Variants in KCNMA1 observed in about 807,000 individuals in gnomAD.
KCNMA1 encodes the protein Calcium-activated potassium channel subunit alpha-1.
Under a neutral mutation model 140.0 loss-of-function variants are expected in KCNMA1, and 29 were observed. The observed-to-expected ratio is 0.21, with a 90% CI of 0.15 to 0.28. The LOEUF (loss-of-function observed/expected upper bound fraction) is 0.28. KCNMA1 is among the 10% of genes least tolerant of loss of function. The pLI is 1.00. For synonymous variants in KCNMA1, 612 were observed against 611.9 expected (o/e 1.00, Z 0.00); for missense variants, 880 against 1,602.2 (o/e 0.55, Z 7.70).
chr10:77,169,312 G>T (rs950788130), intron 5 of KCNMA1, among the ~76,000 whole-genome samples: 1 of 152,008 alleles, frequency 6.6e-6, no homozygotes, highest in African/African-American at 2.4e-5. Flanking sequence ...CAGGGCTGGA[G>T]AAGAAGGCTA....
intron 5 of KCNMA1, among the ~76,000 whole-genome samples, chr10:77,156,703 T>C (rs1835533919): frequency 6.6e-6 from 1 of 152,212 alleles, no homozygotes; most frequent in Non-Finnish European, 1.5e-5. Flanking sequence ...CCTCAATTAC[T>C]CTTGTAAATA....
In KCNMA1 at chr10:77,409,049, C is replaced by T. The variant is rs561262644; in HGVS notation, c.379-5026G>A. 1.2e-4 allele frequency among the ~76,000 whole-genome samples: 19 copies of T among 152,290 alleles called. 1 individual carries two copies. Among genetic ancestry groups the T allele is most frequent in the African/African-American group, 4.6e-4 (19 of 41,578 alleles). Reference sequence around the variant, plus strand: ...CCCTACCAGGCAACCTCTCACGGGGCTGTGCCCAGCCTTACACCCTCACCC... The same window carrying T: ...CCCTACCAGGCAACCTCTCACGGGGTTGTGCCCAGCCTTACACCCTCACCC... On this transcript the variant is annotated intron_variant, in intron 1 of 27. Transcript: ENST00000286628.
chr10:76,969,862 C>A (rs906188647), intron 20 of KCNMA1, 112 bp downstream of exon 20: 2 of 812,102 alleles, frequency 2.5e-6, no homozygotes, highest in Non-Finnish European at 4.3e-6. Context: ...CCCTCCCCCA[C>A]CCCGGGCTTG....
intron 1 of KCNMA1, among the ~76,000 whole-genome samples, chr10:77,610,699 C>T (rs942527176): frequency 1.3e-5 from 2 of 152,210 alleles, no homozygotes; most frequent in African/African-American, 4.8e-5. Context: ...AGAGAGCCCA[C>T]ACAGAGTAGA....
intron 1 of KCNMA1, among the ~76,000 whole-genome samples, chr10:77,486,265 C>G (rs1167363342): frequency 6.6e-6 from 1 of 152,154 alleles, no homozygotes; most frequent in Admixed American, 6.5e-5. Context: ...TCCTCCCTCC[C>G]CTTCCCCACC....
At position 77,219,811 on chromosome 10, in the gene KCNMA1, A is replaced by G. The variant is rs530702696; in HGVS notation, c.602+31384T>C. On this transcript the variant is annotated intron_variant, in intron 3 of 27. Transcript: ENST00000286628. ...ATTTAGCAACCTCAAGTCTTAATCCATATAGGAACTGTAAGAAGACTACTG... is the reference window on the plus strand; with the variant it reads ...ATTTAGCAACCTCAAGTCTTAATCCGTATAGGAACTGTAAGAAGACTACTG... Among the ~76,000 whole-genome samples, 403 of 152,298 alleles carry G rather than the reference A, an allele frequency of 2.6e-3. 2 individuals are homozygous for G. Among genetic ancestry groups the G allele is most frequent in the Non-Finnish European group, 2.8e-3 (191 of 68,030 alleles).
At chr10:76,893,875 G>T (rs1324292019) in intron 25 of KCNMA1, among the ~76,000 whole-genome samples, 3 of 152,142 alleles carry the variant, frequency 2.0e-5, no homozygotes, top group African/African-American at 7.2e-5. Context: ...CATGTTCCTG[G>T]ATTAGAAGAC....
chr10:77,033,722 C>G (rs2094116856), intron 15 of KCNMA1, among the ~76,000 whole-genome samples: 1 of 152,178 alleles, frequency 6.6e-6, no homozygotes, highest in African/African-American at 2.4e-5. Context: ...GTAGAGAATT[C>G]TGGACCCACC....
chr10:77,378,521 C>T (rs2095263657), intron 2 of KCNMA1, among the ~76,000 whole-genome samples: 1 of 152,162 alleles, frequency 6.6e-6, no homozygotes, highest in Non-Finnish European at 1.5e-5. Flanking sequence ...CATATGCATT[C>T]AAGAGAAAAG....
At chr10:77,035,614 A>G (rs1170627322) in intron 15 of KCNMA1, among the ~76,000 whole-genome samples, 1 of 152,260 alleles carries the variant, frequency 6.6e-6, no homozygotes, top group Non-Finnish European at 1.5e-5. Context: ...AGCTTGGCAC[A>G]ATGGTGCACA....
chr10:77,082,161 T>C (rs1051434943), intron 12 of KCNMA1, among the ~76,000 whole-genome samples: 1 of 151,716 alleles, frequency 6.6e-6, no homozygotes, highest in Admixed American at 6.6e-5. Context: ...CCTGAGTAAC[T>C]GGGATTACAG....
intron 23 of KCNMA1, among the ~76,000 whole-genome samples, chr10:76,923,035 T>A (rs767586344): frequency 6.6e-6 from 1 of 152,216 alleles, no homozygotes; most frequent in Non-Finnish European, 1.5e-5. Flanking sequence ...TACATTTTTT[T>A]AGAGACTGTC....
At chr10:77,370,583 G>A (rs2094627676) in intron 2 of KCNMA1, among the ~76,000 whole-genome samples, 1 of 152,124 alleles carries the variant, frequency 6.6e-6, no homozygotes, top group Non-Finnish European at 1.5e-5. Flanking sequence ...CAAATGAAAT[G>A]CATTTCAACA....
chr10:77,624,753 C>A (rs2092208517), intron 1 of KCNMA1, among the ~76,000 whole-genome samples: 1 of 152,052 alleles, frequency 6.6e-6, no homozygotes, highest in Non-Finnish European at 1.5e-5. Context: ...TGTCATATGT[C>A]AAAATCAAAA....
At chr10:76,900,896 T>A (rs1457914582) in intron 25 of KCNMA1, among the ~76,000 whole-genome samples, 2 of 146,232 alleles carry the variant, frequency 1.4e-5, no homozygotes, top group African/African-American at 2.5e-5. Context: ...CCCTATTTGT[T>A]AAAAAAAAAA....
Position 77,518,874 on chromosome 10 carries a change from G to A in KCNMA1, c.379-114851C>T, listed in dbSNP as rs144166862. Among the ~76,000 whole-genome samples the A allele has an allele frequency of 1.1e-4, 16 of 152,264 alleles. No homozygotes were observed. In the East Asian group the frequency reaches 1.4e-3, roughly 13 times the overall value. ...GAAAACCCAAAGATAGTGGGAAGCCGCCTGCACTGTATGAATGCACGCTTG... is the reference window on the plus strand; with the variant it reads ...GAAAACCCAAAGATAGTGGGAAGCCACCTGCACTGTATGAATGCACGCTTG... On this transcript the variant is annotated intron_variant, in intron 1 of 27. Coordinates refer to ENST00000286628, the MANE Select transcript of KCNMA1 (RefSeq NM_001161352.2).
At chr10:77,214,596 G>A (rs949260981) in intron 3 of KCNMA1, among the ~76,000 whole-genome samples, 3 of 152,120 alleles carry the variant, frequency 2.0e-5, no homozygotes, top group Non-Finnish European at 2.9e-5. Context: ...ACTACTGCAG[G>A]CTCCATCCTT....
intron 1 of KCNMA1, among the ~76,000 whole-genome samples, chr10:77,492,619 CTA>C (rs1463186978): frequency 6.6e-6 from 1 of 152,224 alleles, no homozygotes; most frequent in Non-Finnish European, 1.5e-5. Flanking sequence ...CTAAGCAAGA[CTA>C]CAGATGCAAG....
At chr10:77,500,016 T>C (rs936658459) in intron 1 of KCNMA1, among the ~76,000 whole-genome samples, 6 of 152,046 alleles carry the variant, frequency 3.9e-5, no homozygotes, top group Admixed American at 1.3e-4. Context: ...TATTTCACTC[T>C]ATACATTAAC....
Sources: allele counts gnomAD v4.1 joint callset (sites outside exome capture counted in the v4.1 genomes callset), GRCh38; gene constraint gnomAD v4.1.1; transcripts MANE v1.5; gene names NCBI Gene and HGNC (gene_info 2026-07-23, HGNC 2026-07-21).